The following CLSTN2 variants were observed in gnomAD, a reference collection of about 807,000 sequenced individuals.
CLSTN2 encodes the protein calsyntenin 2.
A neutral mutation model predicts 101.2 loss-of-function variants in CLSTN2; 48 were observed. That is an observed-to-expected ratio of 0.47 (90% CI 0.38 to 0.60). CLSTN2 has a LOEUF of 0.60. CLSTN2 is among the 20% of genes least tolerant of loss of function. The pLI, the probability that CLSTN2 is intolerant of heterozygous loss-of-function variation, is 0.00. For synonymous variants in CLSTN2, 481 were observed against 463.6 expected (o/e 1.04, Z -0.48); for missense variants, 1,160 against 1,238.2 (o/e 0.94, Z 0.95).
intron 10 of CLSTN2, among the ~76,000 whole-genome samples, chr3:140,551,458 A>G (rs1474273366): frequency 6.6e-6 from 1 of 151,812 alleles, no homozygotes; most frequent in African/African-American, 2.4e-5. Context: ...CCTGAGTAAT[A>G]CCCTGTTCTG....
intron 2 of CLSTN2, among the ~76,000 whole-genome samples, chr3:140,359,142 A>G (rs981632384): frequency 4.3e-5 from 5 of 115,332 alleles, no homozygotes; most frequent in African/African-American, 1.9e-4. Context: ...GCATTTGTAG[A>G]AAAAAAAAAA....
At chr3:140,120,912 G>T (rs2009329981) in intron 1 of CLSTN2, among the ~76,000 whole-genome samples, 1 of 152,154 alleles carries the variant, frequency 6.6e-6, no homozygotes, top group South Asian at 2.1e-4. Flanking sequence ...CACCCTGGCG[G>T]CCAGGTACAC....
intron 1 of CLSTN2, among the ~76,000 whole-genome samples, chr3:140,175,563 C>T (rs2010310061): frequency 6.6e-6 from 1 of 152,168 alleles, no homozygotes; most frequent in African/African-American, 2.4e-5. Flanking sequence ...CACTTTAACT[C>T]TGAAACATCT....
At chr3:140,408,481 G>C (rs1054191454) in intron 4 of CLSTN2, among the ~76,000 whole-genome samples, 1 of 152,138 alleles carries the variant, frequency 6.6e-6, no homozygotes, top group African/African-American at 2.4e-5. Flanking sequence ...CAGCCTCACA[G>C]CAACCACAAA....
intron 2 of CLSTN2, among the ~76,000 whole-genome samples, chr3:140,375,651 C>T (rs1293725823): frequency 6.6e-6 from 1 of 152,182 alleles, no homozygotes; most frequent in African/African-American, 2.4e-5. Context: ...TACATTTACC[C>T]ATGGCTTATA....
chr3:140,267,967 A>G (rs2086709990), intron 2 of CLSTN2, among the ~76,000 whole-genome samples: 1 of 152,300 alleles, frequency 6.6e-6, no homozygotes, highest in African/African-American at 2.4e-5. Flanking sequence ...GACATCCATT[A>G]GCTCCTGTTA....
At chr3:139,956,426 G>A (rs113908572) in intron 1 of CLSTN2, among the ~76,000 whole-genome samples, 3,521 of 152,248 alleles carry the variant, frequency 0.023, 122 homozygotes, top group African/African-American at 0.08. Context: ...CAGCATGGTG[G>A]TTGTCTTGTT....
intron 2 of CLSTN2, among the ~76,000 whole-genome samples, chr3:140,358,157 G>A (rs2107947590): frequency 6.6e-6 from 1 of 152,236 alleles, no homozygotes; most frequent in African/African-American, 2.4e-5. Flanking sequence ...TTGGAATTCT[G>A]TGAATCCTGC....
intron 1 of CLSTN2, among the ~76,000 whole-genome samples, chr3:139,949,300 C>T (rs1482941173): frequency 1.3e-5 from 2 of 152,222 alleles, no homozygotes; most frequent in African/African-American, 4.8e-5. Flanking sequence ...ATGGAGCTCC[C>T]TGGAACCCAG....
At chr3:140,307,980 G>T (rs913635139) in intron 2 of CLSTN2, among the ~76,000 whole-genome samples, 1 of 152,160 alleles carries the variant, frequency 6.6e-6, no homozygotes, top group Admixed American at 6.6e-5. Flanking sequence ...ATCCTTACAG[G>T]CACAACAGTC....
At chr3:140,499,491 C>A (rs958456579) in intron 8 of CLSTN2, among the ~76,000 whole-genome samples, 4 of 152,166 alleles carry the variant, frequency 2.6e-5, no homozygotes, top group Non-Finnish European at 5.9e-5. Context: ...TTTTCTTTTT[C>A]TGGGCTGAGA....
intron 2 of CLSTN2, among the ~76,000 whole-genome samples, chr3:140,340,144 T>C (rs369640428): frequency 6.6e-5 from 10 of 152,378 alleles, no homozygotes; most frequent in African/African-American, 2.4e-4. Flanking sequence ...GCTGCATGTA[T>C]CCTTTATAAT....
intron 2 of CLSTN2, among the ~76,000 whole-genome samples, chr3:140,386,077 T>C (rs555341463): frequency 6.6e-6 from 1 of 152,266 alleles, no homozygotes; most frequent in East Asian, 1.9e-4. Flanking sequence ...ATCACCAACC[T>C]TTACTATGTA....
At chr3:140,252,980 T>G (rs1488467362) in intron 2 of CLSTN2, among the ~76,000 whole-genome samples, 1 of 152,108 alleles carries the variant, frequency 6.6e-6, no homozygotes, top group Non-Finnish European at 1.5e-5. Context: ...TGCCAATCTC[T>G]GGATAGCCCC....
At chr3:140,476,020 C>T (rs1933975072) in intron 8 of CLSTN2, among the ~76,000 whole-genome samples, 1 of 152,142 alleles carries the variant, frequency 6.6e-6, no homozygotes, top group Non-Finnish European at 1.5e-5. Flanking sequence ...GCAGCAGGAG[C>T]TCAGTCACTG....
chr3:140,544,210 C>A (rs1330274687), intron 9 of CLSTN2, among the ~76,000 whole-genome samples: 1 of 152,214 alleles, frequency 6.6e-6, no homozygotes, highest in South Asian at 2.1e-4. Context: ...AATGAGCTGA[C>A]TTATGCAAAG....
intron 8 of CLSTN2, among the ~76,000 whole-genome samples, chr3:140,467,074 C>T (rs1933725313): frequency 6.6e-6 from 1 of 152,194 alleles, no homozygotes. Flanking sequence ...CTTTAAATCA[C>T]AAATGCTCCA....
intron 8 of CLSTN2, among the ~76,000 whole-genome samples, chr3:140,517,686 C>T (rs11927817): frequency 0.041 from 6,302 of 152,242 alleles, 173 homozygotes; most frequent in Middle Eastern, 0.065. Flanking sequence ...TCAGTTCTCT[C>T]GGCCGTGGAC....
chr3:140,248,499 G>C (rs2107873610), intron 2 of CLSTN2, among the ~76,000 whole-genome samples: 1 of 152,316 alleles, frequency 6.6e-6, no homozygotes, highest in Admixed American at 6.5e-5. Flanking sequence ...TGCATTCAAT[G>C]GACTTGCTTG....
Sources: gnomAD v4.1 joint callset for allele counts (sites outside exome capture counted in the v4.1 genomes callset) on GRCh38, gnomAD v4.1.1 for gene constraint, MANE v1.5 for transcripts, NCBI Gene and HGNC (gene_info 2026-07-23, HGNC 2026-07-21) for gene names.